Variants in URB1 observed in about 807,000 individuals in gnomAD.
URB1 encodes the protein nucleolar pre-ribosomal-associated protein 1.
URB1 carries 197 observed loss-of-function variants against 242.3 expected under a neutral mutation model. That is an observed-to-expected ratio of 0.81 (90% confidence interval 0.72 to 0.91). The LOEUF (loss-of-function observed/expected upper bound fraction) is 0.91, where lower values mean the gene tolerates loss of function less well. Ranked by LOEUF, URB1 falls within the 40% of genes least tolerant of loss-of-function variation. The pLI, the probability that URB1 is intolerant of heterozygous loss-of-function variation, is 0.00. For synonymous variants in URB1, 1,153 were observed against 1,201.8 expected (o/e 0.96, Z 0.84); for missense variants, 2,721 against 2,860.5 (o/e 0.95, Z 1.11).
chr21:32,349,346 C>A lies in URB1; in HGVS notation c.2970G>T (p.Leu990=). The A allele has an allele frequency of 6.4e-7, 1 of 1,550,884 alleles. No individual in the cohort carries two copies. The stretch of plus-strand genomic sequence containing the variant: ...CCAGCGAGGCCACGGACTCCATGTC[C>A]AGGAAGAGGTCGGCTTCGGCCCGGG... The part of the protein sequence containing the change: ...EAARAEADLF[L]DMESVASLEL... The change falls in exon 21 of 39, where the codon CTG becomes CTT. Residue 990 remains leucine (L), a synonymous_variant. Transcript: ENST00000382751.
At position 32,392,401 on chromosome 21, in the gene URB1, A is replaced by G. The variant is rs1342002543; in HGVS notation, c.142+368T>C. On this transcript the variant is annotated intron_variant, in intron 1 of 38. Transcript: ENST00000382751. The stretch of plus-strand genomic sequence containing the variant: ...GTGCTGACGGCCCAAGGAGTAGCAA[A>G]CTGTCTCATGAACCGTCCTGAGCCG... 2.0e-5 allele frequency among the ~76,000 whole-genome samples: 3 copies of G among 152,208 alleles called. No individual in the cohort carries two copies. The East Asian group carries it at 5.8e-4, about 29-fold the overall frequency.
chr21:32,368,011 G>GT, intron 9 of URB1, among the ~76,000 whole-genome samples: 1 of 152,130 alleles, frequency 6.6e-6, no homozygotes. Context: ...ATATTGTATA[G>GT]TTTACCAGAT....
Position 32,368,594 on chromosome 21 carries a change from C to T in URB1, c.1006G>A (p.Gly336Arg), listed in dbSNP as rs1427788589. The T allele has an allele frequency of 8.4e-6, 13 of 1,549,424 alleles. No homozygotes were observed. Among genetic ancestry groups the T allele is most frequent in the Non-Finnish European group, 1.0e-5 (12 of 1,146,172 alleles). ...AAGAAGTGCAAGAGTGTCAGGTTTC[C>T]GCCTCTGTTAGAGAAAGACACATGG... is the stretch of plus-strand genomic sequence containing the variant. ...DASLGTFGRG[G>R]NLTLLHFLLG... is the part of the protein sequence containing the mutation. The change falls in exon 9 of 39, where the codon GGA becomes AGA. Residue 336 changes from glycine to arginine, a missense_variant. Transcript: ENST00000382751.
chr21:32,363,366 A>G (rs1266849179), intron 10 of URB1, 37 bp from the exon 11 acceptor site: 4 of 1,540,224 alleles, frequency 2.6e-6, no homozygotes, highest in African/African-American at 1.4e-5. Flanking sequence ...ACATGTCTCT[A>G]GGATACACAG....
intron 6 of URB1, 111 bp from the exon 7 acceptor site, chr21:32,373,883 C>A (rs977828380): frequency 1.3e-5 from 15 of 1,139,364 alleles, no homozygotes; most frequent in Middle Eastern, 2.9e-4. Context: ...AAAAATAATG[C>A]TTGCTAGTGG....
chr21:32,352,390 G>A (rs192251489), intron 19 of URB1, among the ~76,000 whole-genome samples: 135 of 152,252 alleles, frequency 8.9e-4, no homozygotes, highest in African/African-American at 3.1e-3. Flanking sequence ...AGACAAGCAC[G>A]CACAGATAAC....
At chr21:32,382,601 G>A (rs772220205) in intron 4 of URB1, among the ~76,000 whole-genome samples, 2 of 152,104 alleles carry the variant, frequency 1.3e-5, no homozygotes, top group African/African-American at 2.4e-5. Context: ...GTTCTCCACC[G>A]CAGCAGATGG....
intron 1 of URB1, among the ~76,000 whole-genome samples, chr21:32,386,750 T>C (rs538552853): frequency 2.6e-5 from 4 of 152,298 alleles, no homozygotes; most frequent in Non-Finnish European, 5.9e-5. Context: ...CAGCTAATTC[T>C]CACTGCAACC....
chr21:32,319,025 A>C (rs2032728239), intron 36 of URB1, among the ~76,000 whole-genome samples, 192 bp downstream of exon 36: 1 of 152,158 alleles, frequency 6.6e-6, no homozygotes. Flanking sequence ...TGAAGGGCAA[A>C]GAAAGAGCTA....
chr21:32,344,394 G>A (rs2033062463), intron 24 of URB1, among the ~76,000 whole-genome samples, 176 bp downstream of exon 24: 4 of 152,138 alleles, frequency 2.6e-5, no homozygotes. Context: ...GATAAAAGAT[G>A]GTTCATCAAT....
intron 4 of URB1, 118 bp from the exon 5 acceptor site, chr21:32,378,659 G>T: frequency 2.5e-6 from 2 of 806,890 alleles, no homozygotes; most frequent in Non-Finnish European, 2.1e-6. Context: ...CCCCAGCCTT[G>T]TCCCCAGTCA....
intron 7 of URB1, among the ~76,000 whole-genome samples, chr21:32,373,040 T>TA (rs1168442935): frequency 6.6e-6 from 1 of 152,182 alleles, no homozygotes; most frequent in African/African-American, 2.4e-5. Flanking sequence ...TGAATTATTA[T>TA]AACGTTAACA....
Position 32,316,658 on chromosome 21 carries a change from T to C in URB1, c.6442A>G (p.Ser2148Gly). 1.3e-6 allele frequency: 2 copies of C among 1,551,534 alleles called. No individual in the cohort carries two copies. The highest frequency in any genetic ancestry group is 1.2e-5 in the South Asian group (1 of 84,042). Residue 2148 changes from serine (S) to glycine (G), a missense_variant, in exon 38 of 39, where the codon AGC becomes GGC. Physicochemically the swap from Ser to Gly is moderately conservative, Grantham distance 56 (BLOSUM62 0). Transcript: ENST00000382751. ...AGCCGGCTATACAGCCTGAATATGC[T>C]GCTCCTCACGGCACTGTCCTTAAGG... ...DLLKDSAVRSSIFRLYSRLCG... is the reference protein window; with the variant it reads ...DLLKDSAVRSGIFRLYSRLCG...
chr21:32,326,383 A>C (rs2032829633), intron 30 of URB1, among the ~76,000 whole-genome samples: 2 of 152,260 alleles, frequency 1.3e-5, no homozygotes, highest in African/African-American at 4.8e-5. Context: ...TCCATTGATG[A>C]CATTTTTAAA....
chr21:32,367,018 A>C (rs573026159), intron 9 of URB1, among the ~76,000 whole-genome samples: 2 of 152,250 alleles, frequency 1.3e-5, no homozygotes, highest in Non-Finnish European at 2.9e-5. Context: ...AAAACCTCTG[A>C]TGGCAAATAA....
chr21:32,319,955 A>C (rs897217168), intron 35 of URB1, among the ~76,000 whole-genome samples: 1 of 152,226 alleles, frequency 6.6e-6, no homozygotes, highest in Non-Finnish European at 1.5e-5. Context: ...CCCTCCCGCC[A>C]AGTGCTGTCT....
chr21:32,324,427 T>C, intron 32 of URB1, 64 bp downstream of exon 32: 2 of 1,345,862 alleles, frequency 1.5e-6, no homozygotes, highest in Non-Finnish European at 2.1e-6. Context: ...GACTAATCCC[T>C]AGAAGTAGAC....
rs769988090 is a variant in URB1 at position 32,337,196 on chromosome 21, CCT to C, written c.4622-41_4622-40del. The C allele has an allele frequency of 7.5e-5, 116 of 1,545,940 alleles. 1 individual carries two copies. The Middle Eastern group carries it at 5.0e-3, about 67-fold the overall frequency. On this transcript the variant is annotated intron_variant, in intron 27 of 38. Transcript: ENST00000382751. ...CAGGATCGGTTTAGGAAGATGAACCCCTGACACCCTCCTGCTGCTCCCACCAC... is the reference window on the plus strand; with the variant it reads ...CAGGATCGGTTTAGGAAGATGAACCCGACACCCTCCTGCTGCTCCCACCAC...
intron 27 of URB1, 78 bp from the exon 28 acceptor site, chr21:32,337,235 C>T: frequency 1.4e-6 from 2 of 1,468,288 alleles, no homozygotes; most frequent in Admixed American, 2.0e-5. Context: ...TGCCCTCATA[C>T]CCTCCCTGCT....
Sources: gnomAD v4.1 joint callset for allele counts (sites outside exome capture counted in the v4.1 genomes callset) on GRCh38, gnomAD v4.1.1 for gene constraint, MANE v1.5 for transcripts, NCBI Gene and HGNC (gene_info 2026-07-23, HGNC 2026-07-21) for gene names.